ADGRG3: variants seen among roughly 807,000 people sequenced by gnomAD.
ADGRG3 encodes the protein adhesion G protein-coupled receptor G3, also known as G protein-coupled receptor 97.
Under a neutral mutation model 54.3 loss-of-function variants are expected in ADGRG3, and 39 were observed. The ratio of observed to expected loss-of-function variants is 0.72; its 90% confidence interval spans 0.56 to 0.94. ADGRG3 has a LOEUF of 0.94. Ranked by LOEUF, ADGRG3 falls within the 40% of genes least tolerant of loss-of-function variation. The pLI is 0.00. For synonymous variants in ADGRG3, 312 were observed against 290.0 expected, an observed-to-expected ratio of 1.08 and a Z score of -0.77; for missense variants, 654 against 694.6, an observed-to-expected ratio of 0.94 and a Z score of 0.66.
At position 57,678,248 on chromosome 16, in the gene ADGRG3, C is replaced by T. The variant is rs757763797; in HGVS notation, c.424C>T (p.Pro142Ser). 332 of 1,614,028 alleles carry T rather than the reference C, an allele frequency of 2.1e-4. No homozygotes were observed. Among genetic ancestry groups the T allele is most frequent in the Non-Finnish European group, 2.7e-4 (323 of 1,179,984 alleles). The change falls in exon 4 of 12, where the codon CCA becomes TCA. Residue 142 changes from proline to serine, a missense_variant. By Grantham distance (74) the Pro-to-Ser change is moderately conservative. Transcript: ENST00000333493. ...TCCCAAGAGCCTTTTTCGATCCCTG[C>T]CAGGCAACAGGTCTGTGGTCCGCTT... is the stretch of plus-strand genomic sequence containing the variant. ...RLPKSLFRSL[P>S]GNRSVVRLAV...
chr16:57,665,803 C>T (rs190418843), upstream of ADGRG3, among the ~76,000 whole-genome samples: 236 of 152,272 alleles, frequency 1.5e-3, no homozygotes, highest in African/African-American at 5.4e-3. Flanking sequence ...AGGGGGATGC[C>T]CAGCAGGGGA....
In ADGRG3 at chr16:57,678,128, G is replaced by A. The variant is rs547073143; in HGVS notation, c.346-42G>A. 27 of 1,602,968 alleles carry A rather than the reference G, an allele frequency of 1.7e-5. No individual in the cohort carries two copies. The South Asian group carries it at 2.5e-4, about 15-fold the overall frequency. ...TGGGGGAGTGGCAGGACTCGTGTTG[G>A]GGGGTGGGTACAGATGGGAGCTGCT... On this transcript the variant is annotated intron_variant, in intron 3 of 11. Coordinates refer to ENST00000333493, the MANE Select transcript of ADGRG3 (RefSeq NM_170776.5).
upstream of ADGRG3, among the ~76,000 whole-genome samples, chr16:57,665,872 C>T (rs2048043314): frequency 6.6e-6 from 1 of 152,198 alleles, no homozygotes; most frequent in Non-Finnish European, 1.5e-5. Context: ...TCTAGACTGG[C>T]AGTGCCCTCT....
Position 57,676,220 on chromosome 16 carries a change from C to T in ADGRG3, c.227C>T (p.Ala76Val). 1 of 1,614,040 alleles carries T rather than the reference C, an allele frequency of 6.2e-7. No individual in the cohort carries two copies. Among genetic ancestry groups the T allele is most frequent in the Middle Eastern group, 1.6e-4 (1 of 6,062 alleles). ...NLQRYWLNYE[A>V]HLMKEGLTQK... ...TGCAGATACTGGCTAAACTACGAGG[C>T]CCATCTGATGAAGGAAGGTTTGACG... The change falls in exon 3 of 12, where the codon GCC (alanine) becomes GTC (valine). Residue 76 changes from alanine to valine, a missense_variant. Coordinates refer to ENST00000333493, the MANE Select transcript of ADGRG3 (RefSeq NM_170776.5).
intron 1 of ADGRG3, 38 bp from the exon 2 acceptor site, chr16:57,673,283 C>A: frequency 6.3e-7 from 1 of 1,583,862 alleles, no homozygotes; most frequent in Non-Finnish European, 8.6e-7. Context: ...TGCCCATCTT[C>A]GTCCAGCCCA....
At chr16:57,678,622 C>T (rs1411857124) in intron 4 of ADGRG3, 1 of 449,916 alleles carries the variant, frequency 2.2e-6, no homozygotes, top group Non-Finnish European at 4.1e-6. Flanking sequence ...CAAACATGCA[C>T]ATCCTTTTCT....
At chr16:57,673,810 C>T (rs779844022) in intron 2 of ADGRG3, among the ~76,000 whole-genome samples, 4 of 152,148 alleles carry the variant, frequency 2.6e-5, no homozygotes, top group Non-Finnish European at 5.9e-5. Context: ...CAAGGCTTCA[C>T]AGAGGAGGAA....
At position 57,684,402 on chromosome 16, in the gene ADGRG3, T is replaced by C. The variant is rs1292423377; in HGVS notation, c.1175T>C (p.Leu392Pro). ...CCCTTGTGCCCAGGCCTGCCCGCCC[T>C]GATGGTCATCGGCACTGGGAGTGCC... is the stretch of plus-strand genomic sequence containing the variant. ...LSLVGWGLPA[L>P]MVIGTGSANS... The change falls in exon 10 of 12, where the codon CTG becomes CCG. Residue 392 changes from leucine (L) to proline (P), a missense_variant. Coordinates refer to ENST00000333493, the MANE Select transcript of ADGRG3 (RefSeq NM_170776.5). 9.9e-6 allele frequency: 16 copies of C among 1,613,716 alleles called. No homozygotes were observed. The highest frequency in any genetic ancestry group is 1.7e-5 in the Admixed American group (1 of 59,988).
intron 1 of ADGRG3, among the ~76,000 whole-genome samples, chr16:57,672,636 T>C (rs2048183246): frequency 1.3e-5 from 2 of 152,220 alleles, no homozygotes; most frequent in Admixed American, 6.5e-5. Flanking sequence ...GACCCAAAGC[T>C]TCCATTTTGT....
At chr16:57,679,676 T>C in intron 5 of ADGRG3, 140 bp from the exon 6 acceptor site, 1 of 756,512 alleles carries the variant, frequency 1.3e-6, no homozygotes, top group Non-Finnish European at 2.4e-6. Flanking sequence ...TTTTTCTGTG[T>C]GGCCCATGGG....
chr16:57,683,096 G>A (rs547261113), intron 8 of ADGRG3, among the ~76,000 whole-genome samples: 1 of 152,370 alleles, frequency 6.6e-6, no homozygotes, highest in South Asian at 2.1e-4. Context: ...AGAGGAGTCA[G>A]GCAAAGAAGG....
chr16:57,676,533 T>C (rs1409165813), intron 3 of ADGRG3, among the ~76,000 whole-genome samples, 195 bp downstream of exon 3: 1 of 152,216 alleles, frequency 6.6e-6, no homozygotes, highest in Non-Finnish European at 1.5e-5. Context: ...GCTCCTCTAC[T>C]GAGGGAACAT....
rs1316892502 is a variant in ADGRG3 at position 57,688,202 on chromosome 16, A to G, written c.1541-150A>G. 6.2e-6 allele frequency: 4 copies of G among 641,896 alleles called. No individual in the cohort carries two copies. In the Admixed American group the frequency reaches 9.7e-5, roughly 16 times the overall value. 39.8% of individuals were successfully genotyped at this position (641,896 alleles called of 1,614,324 possible). A position where few individuals can be genotyped will look rare whatever the true frequency, so the allele number is the denominator to read the frequency against. Reference sequence around the variant, plus strand: ...TGGTTCTTTTTTATTTCATTTTTGAAATGGTTGTGAAATGGTTGCATTTTT... The same window carrying G: ...TGGTTCTTTTTTATTTCATTTTTGAGATGGTTGTGAAATGGTTGCATTTTT... On this transcript the variant is annotated intron_variant, in intron 11 of 11. Transcript: ENST00000333493.
upstream of ADGRG3, chr16:57,668,072 A>AG: frequency 1.8e-6 from 1 of 550,054 alleles, no homozygotes; most frequent in South Asian, 2.2e-5. Flanking sequence ...CGTAGATCCC[A>AG]CCCCAGTGGG....
chr16:57,667,113 T>C (rs1037530321), upstream of ADGRG3, among the ~76,000 whole-genome samples: 4 of 152,244 alleles, frequency 2.6e-5, no homozygotes, highest in Admixed American at 1.3e-4. Flanking sequence ...AATTCCCACC[T>C]GCTCCCACAC....
chr16:57,671,969 G>A (rs2048169410), intron 1 of ADGRG3, among the ~76,000 whole-genome samples: 1 of 151,998 alleles, frequency 6.6e-6, no homozygotes, highest in South Asian at 2.1e-4. Flanking sequence ...GATCAGCCTG[G>A]GCAACACAGC....
At chr16:57,666,246 C>T (rs1410419036), upstream of ADGRG3, among the ~76,000 whole-genome samples, 1 of 152,176 alleles carries the variant, frequency 6.6e-6, no homozygotes, top group Non-Finnish European at 1.5e-5. Flanking sequence ...TGACCCAGCC[C>T]CGTTCCTCCG....
chr16:57,673,283 C>T (rs554927852), intron 1 of ADGRG3, 38 bp from the exon 2 acceptor site: 39 of 1,583,862 alleles, frequency 2.5e-5, no homozygotes, highest in African/African-American at 1.6e-4. Flanking sequence ...TGCCCATCTT[C>T]GTCCAGCCCA....
At position 57,688,523 on chromosome 16, in the gene ADGRG3, G is replaced by A. The variant is rs180686317; in HGVS notation, c.*62G>A. 1,011 of 955,438 alleles carry A rather than the reference G, an allele frequency of 1.1e-3. 3 individuals are homozygous for A. The highest frequency in any genetic ancestry group is 1.1e-3 in the Non-Finnish European group (644 of 579,364). 59.2% of individuals were successfully genotyped at this position (955,438 alleles called of 1,614,324 possible). On this transcript the variant is annotated 3_prime_UTR_variant, in exon 12 of 12. Transcript: ENST00000333493. ...TCTCTGTGTGACCTTGGGCAGCTCC[G>A]TGCCTCTCTCTGTACTCCCTCAGTT... is the stretch of plus-strand genomic sequence containing the variant.
Sources: gnomAD v4.1 joint callset for allele counts (sites outside exome capture counted in the v4.1 genomes callset) on GRCh38, gnomAD v4.1.1 for gene constraint, MANE v1.5 for transcripts, NCBI Gene and HGNC (gene_info 2026-07-23, HGNC 2026-07-21) for gene names.